Variants in LHFPL3 observed in about 807,000 individuals in gnomAD.
LHFPL3 encodes LHFPL tetraspan subfamily member 3.
A neutral mutation model predicts 19.3 loss-of-function variants in LHFPL3; 5 were observed. The ratio of observed to expected loss-of-function variants is 0.26; its 90% CI spans 0.14 to 0.54. The LOEUF is 0.54. LHFPL3 is among the 20% of genes least tolerant of loss of function. The pLI is 0.94. For synonymous variants in LHFPL3, 133 were observed against 126.2 expected, an observed-to-expected ratio of 1.05 and a Z score of -0.36; for missense variants, 249 against 307.4, an observed-to-expected ratio of 0.81 and a Z score of 1.42.
chr7:104,738,281 G>A (rs1793867796), intron 2 of LHFPL3, among the ~76,000 whole-genome samples: 1 of 152,118 alleles, frequency 6.6e-6, no homozygotes. Context: ...TATAGATTTT[G>A]TGCTTTCACA....
chr7:104,770,506 T>G (rs1022731524), intron 2 of LHFPL3, among the ~76,000 whole-genome samples: 1 of 152,242 alleles, frequency 6.6e-6, no homozygotes, highest in East Asian at 1.9e-4. Context: ...TAATTTTTCA[T>G]GTACACACAA....
intron 1 of LHFPL3, among the ~76,000 whole-genome samples, chr7:104,461,240 C>T (rs573014628): frequency 3.3e-5 from 5 of 152,154 alleles, no homozygotes; most frequent in East Asian, 1.9e-4. Flanking sequence ...TTACGAGAAC[C>T]GTGTGGGGGA....
intron 1 of LHFPL3, among the ~76,000 whole-genome samples, chr7:104,651,555 GTC>G (rs1400374699): frequency 1.3e-5 from 2 of 152,222 alleles, no homozygotes; most frequent in Middle Eastern, 3.2e-3. Context: ...CAGGGTGCCT[GTC>G]TCTGTTTTTC....
chr7:104,700,737 A>C (rs1220294941), intron 1 of LHFPL3, among the ~76,000 whole-genome samples: 1 of 152,164 alleles, frequency 6.6e-6, no homozygotes, highest in Non-Finnish European at 1.5e-5. Context: ...AGTTGTTTAA[A>C]TTCATGCCAT....
chr7:104,515,467 C>T (rs1248628100), intron 1 of LHFPL3, among the ~76,000 whole-genome samples: 1 of 152,110 alleles, frequency 6.6e-6, no homozygotes, highest in Non-Finnish European at 1.5e-5. Flanking sequence ...TCACAAGATG[C>T]AAATAAGGAG....
At position 104,824,829 on chromosome 7, in the gene LHFPL3, A is replaced by G. The variant is rs574224862; in HGVS notation, c.683-81358A>G. ...AAATATATATAATGATATATTATAT[A>G]ATTATATATTATATATTATCTAATA... On this transcript the variant is annotated intron_variant, in intron 2 of 2. Coordinates refer to ENST00000424859, the MANE Select transcript of LHFPL3 (RefSeq NM_199000.3). Among the ~76,000 whole-genome samples the G allele has an allele frequency of 3.1e-5, 4 of 128,456 alleles. No individual in the cohort carries two copies. In the East Asian group the frequency reaches 8.4e-4, roughly 27 times the overall value. 84.3% of individuals were successfully genotyped at this position (128,456 alleles called of 152,430 possible).
intron 2 of LHFPL3, among the ~76,000 whole-genome samples, chr7:104,868,228 G>A (rs1255283971): frequency 2.6e-5 from 4 of 152,104 alleles, no homozygotes; most frequent in Non-Finnish European, 5.9e-5. Flanking sequence ...GTTCTGGCCA[G>A]GGCAATCAGG....
chr7:104,663,492 T>C (rs1792270767), intron 1 of LHFPL3, among the ~76,000 whole-genome samples: 1 of 152,232 alleles, frequency 6.6e-6, no homozygotes, highest in African/African-American at 2.4e-5. Context: ...TCATTGAGCA[T>C]TGATCCAGGT....
intron 1 of LHFPL3, among the ~76,000 whole-genome samples, chr7:104,484,206 G>T (rs1239663465): frequency 1.3e-5 from 2 of 152,020 alleles, no homozygotes; most frequent in African/African-American, 2.4e-5. Context: ...TCAGATTTTT[G>T]AATGTGTCCT....
At chr7:104,772,246 C>A (rs1458842711) in intron 2 of LHFPL3, among the ~76,000 whole-genome samples, 2 of 152,154 alleles carry the variant, frequency 1.3e-5, no homozygotes, top group African/African-American at 2.4e-5. Flanking sequence ...AGGGATAGAA[C>A]AAATTTCGTT....
At chr7:104,416,258 G>T (rs749831035) in intron 1 of LHFPL3, among the ~76,000 whole-genome samples, 1 of 152,160 alleles carries the variant, frequency 6.6e-6, no homozygotes, top group Non-Finnish European at 1.5e-5. Flanking sequence ...TAAGCTAGAA[G>T]AGGCAAGGAA....
intron 1 of LHFPL3, among the ~76,000 whole-genome samples, chr7:104,429,489 T>G (rs1468698138): frequency 6.6e-6 from 1 of 151,630 alleles, no homozygotes; most frequent in African/African-American, 2.4e-5. Flanking sequence ...TGTTTTGTTT[T>G]TTTTTTAGTA....
chr7:104,683,322 G>T (rs574757795), intron 1 of LHFPL3, among the ~76,000 whole-genome samples: 1 of 152,080 alleles, frequency 6.6e-6, no homozygotes, highest in African/African-American at 2.4e-5. Context: ...TGGTTTTTTT[G>T]TTTGTTTGTT....
At chr7:104,762,701 G>C (rs1268837427) in intron 2 of LHFPL3, among the ~76,000 whole-genome samples, 1 of 152,210 alleles carries the variant, frequency 6.6e-6, no homozygotes, top group East Asian at 1.9e-4. Flanking sequence ...AAAGGCCTTT[G>C]TAGTCATTAT....
At chr7:104,898,327 A>G (rs537022592) in intron 2 of LHFPL3, among the ~76,000 whole-genome samples, 2 of 152,118 alleles carry the variant, frequency 1.3e-5, no homozygotes, top group South Asian at 4.2e-4. Context: ...CCTTTTATAT[A>G]GCCAGTACCA....
At chr7:104,704,065 C>T (rs976109188) in intron 1 of LHFPL3, among the ~76,000 whole-genome samples, 2 of 152,150 alleles carry the variant, frequency 1.3e-5, no homozygotes, top group Non-Finnish European at 2.9e-5. Flanking sequence ...ACATTATCCC[C>T]TCTTACAGTG....
At chr7:104,479,683 C>T (rs571268812) in intron 1 of LHFPL3, among the ~76,000 whole-genome samples, 25 of 152,290 alleles carry the variant, frequency 1.6e-4, no homozygotes, top group Middle Eastern at 6.8e-3. Context: ...TGAGCCACTA[C>T]GCCCGTCCTC....
chr7:104,582,472 A>G lies in LHFPL3; in HGVS notation c.446-154203A>G, dbSNP rs576837060. 2.0e-5 allele frequency among the ~76,000 whole-genome samples: 3 copies of G among 152,086 alleles called. 1 individual carries two copies. The highest frequency in any genetic ancestry group is 4.4e-5 in the Non-Finnish European group (3 of 67,900). ...GCCTTTTATTTATTTTTCTTGCCTT[A>G]CTGCACAGACCAGGATCTCCAGAAA... On this transcript the variant is annotated intron_variant, in intron 1 of 2. Coordinates refer to ENST00000424859, the MANE Select transcript of LHFPL3 (RefSeq NM_199000.3).
At chr7:104,578,985 A>C (rs887352254) in intron 1 of LHFPL3, among the ~76,000 whole-genome samples, 1 of 152,184 alleles carries the variant, frequency 6.6e-6, no homozygotes. Context: ...GTGTTTGAAG[A>C]TGTTAAATAA....
Sources: gnomAD v4.1 joint callset for allele counts (sites outside exome capture counted in the v4.1 genomes callset) on GRCh38, gnomAD v4.1.1 for gene constraint, MANE v1.5 for transcripts, NCBI Gene and HGNC (gene_info 2026-07-23, HGNC 2026-07-21) for gene names.